ME3: variants seen among roughly 807,000 people sequenced by gnomAD.
ME3 encodes malic enzyme 3.
Under a neutral mutation model 68.9 loss-of-function variants are expected in ME3, and 48 were observed. The ratio of observed to expected loss-of-function variants is 0.70; its 90% CI spans 0.55 to 0.89. The LOEUF (loss-of-function observed/expected upper bound fraction) is 0.89, where lower values mean the gene tolerates loss of function less well. ME3 is among the 40% of genes least tolerant of loss of function. The probability of loss-of-function intolerance (pLI) is 0.00; values close to 1 mark genes in which losing one functional copy is unlikely to be tolerated. For synonymous variants in ME3, 320 were observed against 318.8 expected (o/e 1.00, Z -0.04); for missense variants, 675 against 797.4 (o/e 0.85, Z 1.85).
intron 7 of ME3, among the ~76,000 whole-genome samples, chr11:86,469,845 A>AT (rs1376593419): frequency 6.6e-6 from 1 of 150,844 alleles, no homozygotes; most frequent in African/African-American, 2.4e-5. Flanking sequence ...TGGATGTTTG[A>AT]TTTTGTTTTT....
At chr11:86,591,673 G>A (rs935217916) in intron 2 of ME3, among the ~76,000 whole-genome samples, 1 of 152,196 alleles carries the variant, frequency 6.6e-6, no homozygotes, top group African/African-American at 2.4e-5. Context: ...AGTTCCACAT[G>A]GCTGGGGAGG....
At chr11:86,661,065 T>TTAC (rs1268318300) in intron 2 of ME3, among the ~76,000 whole-genome samples, 2 of 152,162 alleles carry the variant, frequency 1.3e-5, no homozygotes, top group Admixed American at 6.5e-5. Context: ...TAACTAATTT[T>TTAC]TACTGAGGTT....
At chr11:86,466,486 G>A (rs561403501) in intron 7 of ME3, among the ~76,000 whole-genome samples, 4 of 152,058 alleles carry the variant, frequency 2.6e-5, no homozygotes, top group Non-Finnish European at 5.9e-5. Context: ...GAGCAGCTTG[G>A]GACTGGCTGT....
chr11:86,524,034 AAAT>A (rs1439711068), intron 4 of ME3, among the ~76,000 whole-genome samples: 1 of 152,236 alleles, frequency 6.6e-6, no homozygotes, highest in Non-Finnish European at 1.5e-5. Flanking sequence ...ACTCCTTCAG[AAAT>A]AATAATCAGA....
chr11:86,639,878 G>A (rs992329370), intron 2 of ME3, among the ~76,000 whole-genome samples: 9 of 152,322 alleles, frequency 5.9e-5, no homozygotes, highest in Middle Eastern at 3.4e-3. Flanking sequence ...TTCCAACTAC[G>A]TTTCGCATGA....
chr11:86,654,206 A>T (rs984095741), intron 2 of ME3, among the ~76,000 whole-genome samples: 6 of 152,230 alleles, frequency 3.9e-5, no homozygotes, highest in Non-Finnish European at 8.8e-5. Context: ...AAACTATTCC[A>T]ATCAATAGAA....
chr11:86,633,594 G>A (rs1229489173), intron 2 of ME3, among the ~76,000 whole-genome samples: 2 of 152,226 alleles, frequency 1.3e-5, no homozygotes, highest in African/African-American at 4.8e-5. Context: ...TGATTGGTAT[G>A]AGAAGGGTGG....
At chr11:86,637,092 G>A (rs1944378771) in intron 2 of ME3, among the ~76,000 whole-genome samples, 1 of 152,048 alleles carries the variant, frequency 6.6e-6, no homozygotes. Context: ...CAGTAATGGT[G>A]CCTGTATCCA....
At chr11:86,574,869 G>C (rs906655411) in intron 2 of ME3, among the ~76,000 whole-genome samples, 5 of 152,182 alleles carry the variant, frequency 3.3e-5, no homozygotes, top group Admixed American at 6.5e-5. Context: ...TTCTTTATAA[G>C]CTTCTGAGTT....
intron 5 of ME3, among the ~76,000 whole-genome samples, chr11:86,499,868 A>G (rs1952604705): frequency 2.0e-5 from 3 of 152,140 alleles, no homozygotes; most frequent in African/African-American, 4.8e-5. Context: ...TATTTTCTCC[A>G]TATATTTGTT....
intron 2 of ME3, among the ~76,000 whole-genome samples, chr11:86,613,887 T>C (rs1942771376): frequency 6.6e-6 from 1 of 152,204 alleles, no homozygotes; most frequent in Non-Finnish European, 1.5e-5. Flanking sequence ...AAAATGGTCA[T>C]ACTGCCTAAA....
chr11:86,505,758 G>A (rs1235159083), intron 5 of ME3, among the ~76,000 whole-genome samples: 1 of 152,234 alleles, frequency 6.6e-6, no homozygotes, highest in African/African-American at 2.4e-5. Flanking sequence ...GAAGCTTCAT[G>A]GCCAGAATCC....
At chr11:86,505,269 G>A (rs550830767) in intron 5 of ME3, among the ~76,000 whole-genome samples, 14 of 151,992 alleles carry the variant, frequency 9.2e-5, no homozygotes, top group Non-Finnish European at 2.1e-4. Flanking sequence ...TGGGGGGGGA[G>A]GAACCTCCAG....
intron 6 of ME3, among the ~76,000 whole-genome samples, chr11:86,497,430 C>T (rs115987104): frequency 1.1e-3 from 164 of 152,252 alleles, no homozygotes; most frequent in African/African-American, 3.4e-3. Context: ...TTGGCTGGGG[C>T]CTGAGCTCCT....
In ME3 at chr11:86,504,464, C is replaced by G. The variant is rs768434249; in HGVS notation, c.543+4328G>C. The stretch of plus-strand genomic sequence containing the variant: ...GGAATGCAGTGGCCTGATCTCGGCT[C>G]ACTGCAACCTCTGCCTCCCAGGCTC... On this transcript the variant is annotated intron_variant, in intron 5 of 14. Coordinates refer to ENST00000543262, the Ensembl canonical transcript of ME3. Among the ~76,000 whole-genome samples, 192 of 142,932 alleles carry G rather than the reference C, an allele frequency of 1.3e-3. 3 individuals are homozygous for G. The highest frequency in any genetic ancestry group is 3.8e-3 in the Middle Eastern group (1 of 262). The allele number at this position is 142,932 out of a possible 152,430, so 93.8% of individuals were successfully genotyped here. A position where few individuals can be genotyped will look rare whatever the true frequency, so the allele number is the denominator to read the frequency against.
chr11:86,464,511 A>C (rs549249364), intron 8 of ME3, among the ~76,000 whole-genome samples: 3 of 152,342 alleles, frequency 2.0e-5, no homozygotes, highest in African/African-American at 7.2e-5. Flanking sequence ...TGTCTCTCTC[A>C]GGGTCATTAT....
chr11:86,477,290 C>T (rs1223536385), intron 7 of ME3, among the ~76,000 whole-genome samples: 1 of 152,176 alleles, frequency 6.6e-6, no homozygotes, highest in East Asian at 1.9e-4. Context: ...GGGTCTTAAT[C>T]AGGCTCCCCT....
intron 4 of ME3, among the ~76,000 whole-genome samples, chr11:86,533,681 A>G (rs1305461979): frequency 6.6e-6 from 1 of 152,240 alleles, no homozygotes; most frequent in Non-Finnish European, 1.5e-5. Flanking sequence ...CGAGGACACT[A>G]CAAAGAAAAG....
rs563702770 is a variant in ME3, at chr11:86,647,378, G to A, written c.183+24384C>T. 3.0e-4 allele frequency among the ~76,000 whole-genome samples: 45 copies of A among 152,038 alleles called. No homozygotes were observed. In the South Asian group the frequency reaches 5.4e-3, roughly 18 times the overall value. ...CGGGCACCTGTTGTCCCAGCTACTC[G>A]GGAGGCTGAGGCAGGAGAATGGCAT... is the stretch of plus-strand genomic sequence containing the variant. On this transcript the variant is annotated intron_variant, in intron 2 of 14. Coordinates refer to ENST00000543262, the Ensembl canonical transcript of ME3.
Sources: gnomAD v4.1 joint callset for allele counts (sites outside exome capture counted in the v4.1 genomes callset) on GRCh38, gnomAD v4.1.1 for gene constraint, MANE v1.5 for transcripts, NCBI Gene and HGNC (gene_info 2026-07-23, HGNC 2026-07-21) for gene names.